EMC3: variants seen among roughly 807,000 people sequenced by gnomAD.
EMC3 encodes ER membrane protein complex subunit 3, also known as 30 kDa protein.
A neutral mutation model predicts 36.6 loss-of-function variants in EMC3; 13 were observed. That is an observed-to-expected ratio of 0.35 (90% CI 0.23 to 0.56). The LOEUF is 0.56. Ranked by LOEUF, EMC3 falls within the 20% of genes least tolerant of loss-of-function variation. The probability of loss-of-function intolerance (pLI) is 0.84; values close to 1 mark genes in which losing one functional copy is unlikely to be tolerated. For missense variants in EMC3, 220 were observed against 324.5 expected (o/e 0.68, Z 2.47); for synonymous variants, 120 against 111.9 (o/e 1.07, Z -0.46).
intron 5 of EMC3, among the ~76,000 whole-genome samples, chr3:9,973,088 G>GTTT (rs1220424568): frequency 2.6e-5 from 4 of 151,630 alleles, no homozygotes; most frequent in Non-Finnish European, 5.9e-5. Flanking sequence ...GCCTCCCAAA[G>GTTT]TGCAGGATTA....
At chr3:10,003,458 A>T in intron 1 of EMC3, 1 of 356,620 alleles carries the variant, frequency 2.8e-6, no homozygotes, top group South Asian at 2.1e-5. Context: ...CTACACTTAG[A>T]GTAGTTTTAT....
chr3:9,967,541 G>C (rs1026925442), intron 7 of EMC3, among the ~76,000 whole-genome samples: 4 of 152,128 alleles, frequency 2.6e-5, no homozygotes, highest in Non-Finnish European at 5.9e-5. Context: ...GTTTATTTCT[G>C]AACTCTCCAT....
chr3:10,000,442 T>A (rs1304459949), intron 1 of EMC3, among the ~76,000 whole-genome samples: 1 of 152,234 alleles, frequency 6.6e-6, no homozygotes, highest in Non-Finnish European at 1.5e-5. Flanking sequence ...GATACCATGT[T>A]CTGAATTGGA....
upstream of EMC3, chr3:9,988,079 C>T (rs924182011): frequency 1.5e-5 from 9 of 591,996 alleles, no homozygotes; most frequent in East Asian, 2.8e-4. Context: ...ATCCCACAGT[C>T]AGAGTTGGAG....
At chr3:9,987,886 C>A (rs922986436), upstream of EMC3, 25 of 837,376 alleles carry the variant, frequency 3.0e-5, no homozygotes, top group Non-Finnish European at 4.7e-5. Context: ...AACACCATAG[C>A]TAATATTAAC....
At chr3:10,001,956 G>A (rs572589881) in intron 1 of EMC3, among the ~76,000 whole-genome samples, 4 of 152,096 alleles carry the variant, frequency 2.6e-5, no homozygotes, top group Non-Finnish European at 2.9e-5. Context: ...CCGAGATCAC[G>A]CCACTGCACT....
rs1642284 is a variant in EMC3, at chr3:9,963,477, A to ATTTTTTTTT, written c.*583_*591dup. On this transcript the variant is annotated 3_prime_UTR_variant, in exon 8 of 8. Transcript: ENST00000245046. ...TAGATATATATATATATATATATATATTTTTTTTTTTTTTTCAGATGGAGT... is the reference window on the plus strand; with the variant it reads ...TAGATATATATATATATATATATATATTTTTTTTTTTTTTTTTTTTTTTTCAGATGGAGT... 1.3e-4 allele frequency: 12 copies of ATTTTTTTTT among 88,904 alleles called. No individual in the cohort carries two copies. The South Asian group carries it at 1.6e-3, about 12-fold the overall frequency. 5.5% of individuals were successfully genotyped at this position (88,904 alleles called of 1,614,324 possible).
intron 1 of EMC3, among the ~76,000 whole-genome samples, chr3:9,983,422 A>G (rs2085933542): frequency 6.6e-6 from 1 of 152,142 alleles, no homozygotes; most frequent in African/African-American, 2.4e-5. Context: ...TGCTGGGATT[A>G]CAAGCATGTG....
At chr3:9,969,977 G>T (rs1254777629) in intron 6 of EMC3, among the ~76,000 whole-genome samples, 176 bp from the exon 7 acceptor site, 1 of 152,010 alleles carries the variant, frequency 6.6e-6, no homozygotes, top group African/African-American at 2.4e-5. Flanking sequence ...TGAAAAATGG[G>T]GACAGTAACA....
chr3:9,973,320 G>A (rs540583109), intron 5 of EMC3, among the ~76,000 whole-genome samples: 11 of 151,708 alleles, frequency 7.3e-5, no homozygotes, highest in Non-Finnish European at 1.0e-4. Context: ...TCAGCCTCCC[G>A]AGAAGCTGGG....
chr3:9,970,729 C>T, intron 5 of EMC3, 68 bp from the exon 6 acceptor site: 1 of 1,511,246 alleles, frequency 6.6e-7, no homozygotes. Context: ...TCCCACTTCC[C>T]TACCACCCAA....
chr3:10,006,047 AGGAAGCCAGATCGG>A (rs1441896190), intron 1 of EMC3, among the ~76,000 whole-genome samples: 2 of 152,366 alleles, frequency 1.3e-5, no homozygotes, highest in South Asian at 2.1e-4. Flanking sequence ...CAGCCTACAG[AGGAAGCCAGATCGG>A]GGAAGCCAGG....
chr3:9,998,379 A>AATAAT (rs1399904189), intron 1 of EMC3, among the ~76,000 whole-genome samples: 1 of 142,898 alleles, frequency 7.0e-6, no homozygotes, highest in Non-Finnish European at 1.5e-5. Flanking sequence ...TAATAATAAT[A>AATAAT]ATAATAATAA....
chr3:9,983,564 C>A (rs1011308321), intron 1 of EMC3, among the ~76,000 whole-genome samples: 3 of 151,860 alleles, frequency 2.0e-5, no homozygotes, highest in African/African-American at 7.3e-5. Flanking sequence ...CGCAGCCACT[C>A]GAGAGGTTGA....
At chr3:9,972,657 G>C (rs991858662) in intron 5 of EMC3, among the ~76,000 whole-genome samples, 1 of 151,326 alleles carries the variant, frequency 6.6e-6, no homozygotes, top group Non-Finnish European at 1.5e-5. Context: ...TGTAATCCAA[G>C]TACTCGGGAG....
chr3:10,000,839 C>T (rs1226472925), intron 1 of EMC3: 1 of 489,396 alleles, frequency 2.0e-6, no homozygotes, highest in Non-Finnish European at 4.1e-6. Flanking sequence ...GTCTTCCGCC[C>T]GAAGAGACCT....
intron 1 of EMC3, among the ~76,000 whole-genome samples, chr3:9,983,113 T>C (rs1356357794): frequency 6.6e-6 from 1 of 151,856 alleles, no homozygotes; most frequent in Non-Finnish European, 1.5e-5. Flanking sequence ...ATGGGGGTGT[T>C]ACTGCCCTGT....
intron 3 of EMC3, among the ~76,000 whole-genome samples, chr3:9,975,285 T>A (rs565179489): frequency 6.6e-6 from 1 of 152,302 alleles, no homozygotes; most frequent in East Asian, 1.9e-4. Context: ...TGCCGACAAT[T>A]ATCTTGCACA....
At chr3:9,994,121 A>G in intron 1 of EMC3, 1 of 1,496,488 alleles carries the variant, frequency 6.7e-7, no homozygotes. Context: ...CCAAAAGGAT[A>G]AGCAACTCTT....
Sources: gnomAD v4.1 joint callset for allele counts (sites outside exome capture counted in the v4.1 genomes callset) on GRCh38, gnomAD v4.1.1 for gene constraint, MANE v1.5 for transcripts, NCBI Gene and HGNC (gene_info 2026-07-23, HGNC 2026-07-21) for gene names.